The following PIBF1 variants were observed in gnomAD, a reference collection of about 807,000 sequenced individuals.
PIBF1 encodes the protein progesterone-induced-blocking factor 1.
PIBF1 carries 90 observed loss-of-function variants against 112.5 expected under a neutral mutation model. The ratio of observed to expected loss-of-function variants is 0.80; its 90% confidence interval spans 0.67 to 0.95. PIBF1 has a LOEUF of 0.95. Among genes scored for constraint, PIBF1 ranks in the 40% least tolerant of loss-of-function variants. The pLI is 0.00. For synonymous variants in PIBF1, 301 were observed against 288.6 expected, an observed-to-expected ratio of 1.04 and a Z score of -0.44; for missense variants, 915 against 852.3, an observed-to-expected ratio of 1.07 and a Z score of -0.92.
At chr13:72,861,363 A>G (rs2038691235) in intron 10 of PIBF1, among the ~76,000 whole-genome samples, 1 of 152,104 alleles carries the variant, frequency 6.6e-6, no homozygotes, top group South Asian at 2.1e-4. Flanking sequence ...TTTTAAATTA[A>G]TATTGTTTGA....
At chr13:72,902,106 A>G (rs2040514971) in intron 11 of PIBF1, among the ~76,000 whole-genome samples, 1 of 151,552 alleles carries the variant, frequency 6.6e-6, no homozygotes, top group East Asian at 1.9e-4. Flanking sequence ...GAGATTGGAG[A>G]CTATTATTCT....
At chr13:72,815,227 T>A (rs1035510525) in intron 5 of PIBF1, among the ~76,000 whole-genome samples, 1 of 152,232 alleles carries the variant, frequency 6.6e-6, no homozygotes, top group Admixed American at 6.5e-5. Flanking sequence ...ATCAAAAGAA[T>A]AATACTTTAT....
intron 5 of PIBF1, among the ~76,000 whole-genome samples, chr13:72,806,165 G>C (rs2138030531): frequency 6.6e-6 from 1 of 152,136 alleles, no homozygotes; most frequent in African/African-American, 2.4e-5. Flanking sequence ...TTTGTATGTT[G>C]CAACACTGAA....
chr13:72,941,350 G>C (rs1254271274), intron 14 of PIBF1, among the ~76,000 whole-genome samples: 1 of 152,142 alleles, frequency 6.6e-6, no homozygotes, highest in Non-Finnish European at 1.5e-5. Flanking sequence ...AGAAAATCCA[G>C]AATCATAAAG....
At chr13:72,835,215 T>C (rs907195238) in intron 8 of PIBF1, 28 bp from the exon 9 acceptor site, 26 of 1,507,870 alleles carry the variant, frequency 1.7e-5, no homozygotes, top group Non-Finnish European at 2.2e-5. Context: ...AAAGAAAATT[T>C]ATGGTTGTTC....
intron 2 of PIBF1, among the ~76,000 whole-genome samples, chr13:72,792,088 G>C (rs1253285457): frequency 6.6e-6 from 1 of 151,976 alleles, no homozygotes; most frequent in Non-Finnish European, 1.5e-5. Flanking sequence ...TTGAGGTCAG[G>C]AGTTCAAGAA....
chr13:72,808,880 T>C (rs992846480), intron 5 of PIBF1, among the ~76,000 whole-genome samples: 5 of 152,076 alleles, frequency 3.3e-5, no homozygotes, highest in Non-Finnish European at 7.4e-5. Flanking sequence ...ATGCTGAAAA[T>C]GATAGCAATA....
intron 10 of PIBF1, among the ~76,000 whole-genome samples, chr13:72,879,851 G>T (rs138353546): frequency 4.5e-4 from 68 of 152,280 alleles, no homozygotes; most frequent in Non-Finnish European, 7.4e-4. Flanking sequence ...ATGAAATGTA[G>T]ATGTTAGTGT....
intron 5 of PIBF1, among the ~76,000 whole-genome samples, chr13:72,810,862 T>A (rs2035972953): frequency 6.6e-6 from 1 of 151,842 alleles, no homozygotes; most frequent in Admixed American, 6.5e-5. Flanking sequence ...CCTCAATTTT[T>A]TTTTTTTTTT....
chr13:72,963,988 A>T (rs1038429647), intron 14 of PIBF1, among the ~76,000 whole-genome samples: 1 of 152,226 alleles, frequency 6.6e-6, no homozygotes, highest in Non-Finnish European at 1.5e-5. Flanking sequence ...CTAGGTAGCT[A>T]CCCAACAGAA....
chr13:72,988,702 A>T (rs1241564204), intron 16 of PIBF1, among the ~76,000 whole-genome samples: 4 of 152,182 alleles, frequency 2.6e-5, no homozygotes, highest in Non-Finnish European at 5.9e-5. Context: ...ATTTTAAAAA[A>T]TTTTTATCTG....
intron 13 of PIBF1, among the ~76,000 whole-genome samples, chr13:72,919,589 A>G (rs2041221723): frequency 1.3e-5 from 2 of 152,188 alleles, no homozygotes; most frequent in African/African-American, 4.8e-5. Flanking sequence ...TGATAGGTAA[A>G]ATACTAAAAC....
chr13:72,995,167 T>C (rs1416330965), intron 16 of PIBF1, among the ~76,000 whole-genome samples: 1 of 151,662 alleles, frequency 6.6e-6, no homozygotes, highest in East Asian at 1.9e-4. Context: ...CCGGGCATGG[T>C]AGTGGGCACC....
chr13:72,851,235 A>G (rs2038136911), intron 9 of PIBF1, among the ~76,000 whole-genome samples: 1 of 152,194 alleles, frequency 6.6e-6, no homozygotes, highest in Non-Finnish European at 1.5e-5. Flanking sequence ...GCAGTGGCCC[A>G]GTCGCAGCTG....
At chr13:72,910,505 C>T (rs1249980071) in intron 12 of PIBF1, among the ~76,000 whole-genome samples, 1 of 152,102 alleles carries the variant, frequency 6.6e-6, no homozygotes, top group African/African-American at 2.4e-5. Context: ...TGAAAAAGGG[C>T]ATTTATAAAA....
chr13:72,900,570 C>CTCA (rs1233649943), intron 11 of PIBF1, among the ~76,000 whole-genome samples: 1 of 152,186 alleles, frequency 6.6e-6, no homozygotes, highest in Non-Finnish European at 1.5e-5. Flanking sequence ...AAACTGGATC[C>CTCA]TCATCTCTCA....
intron 16 of PIBF1, among the ~76,000 whole-genome samples, chr13:72,986,570 G>A (rs1333489801): frequency 2.0e-5 from 3 of 151,576 alleles, no homozygotes; most frequent in Admixed American, 6.6e-5. Context: ...CCCGGAGGCT[G>A]TAACAGCCCA....
At chr13:72,998,793 T>C in intron 16 of PIBF1, 29 bp from the exon 17 acceptor site, 2 of 1,552,106 alleles carry the variant, frequency 1.3e-6, no homozygotes, top group Non-Finnish European at 1.8e-6. Flanking sequence ...TCACTCTTGC[T>C]ACTTTCTTCT....
intron 14 of PIBF1, among the ~76,000 whole-genome samples, chr13:72,961,321 T>G (rs371257016): frequency 6.6e-6 from 1 of 152,124 alleles, no homozygotes; most frequent in East Asian, 1.9e-4. Context: ...TGTTCCCTGC[T>G]TCTTCAGCTC....
Sources: gnomAD v4.1 joint callset for allele counts (sites outside exome capture counted in the v4.1 genomes callset) on GRCh38, gnomAD v4.1.1 for gene constraint, MANE v1.5 for transcripts, NCBI Gene and HGNC (gene_info 2026-07-23, HGNC 2026-07-21) for gene names.